TESMIN: variants seen among roughly 807,000 people sequenced by gnomAD.
The protein encoded by TESMIN is CXC domain containing 2.
In TESMIN, 34 loss-of-function variants were observed where a neutral mutation model predicts 47.4. The ratio of observed to expected loss-of-function variants is 0.72; its 90% CI spans 0.55 to 0.96. The LOEUF (loss-of-function observed/expected upper bound fraction) is 0.96. TESMIN is among the 40% of genes least tolerant of loss of function. The pLI is 0.00. For synonymous variants in TESMIN, 278 were observed against 258.9 expected (o/e 1.07, Z -0.71); for missense variants, 610 against 637.2 (o/e 0.96, Z 0.46).
intron 3 of TESMIN, among the ~76,000 whole-genome samples, chr11:68,746,717 G>A (rs915152528): frequency 6.6e-6 from 1 of 152,168 alleles, no homozygotes; most frequent in Non-Finnish European, 1.5e-5. Context: ...GGGATAAAAA[G>A]AATGCCTATC....
chr11:68,719,104 G>A (rs947858743), intron 6 of TESMIN, among the ~76,000 whole-genome samples: 10 of 152,184 alleles, frequency 6.6e-5, no homozygotes, highest in African/African-American at 2.2e-4. Context: ...GGTCCAAGAC[G>A]AGAGCTGCAC....
At chr11:68,747,936 T>TA (rs757184069) in intron 2 of TESMIN, among the ~76,000 whole-genome samples, 10 of 151,818 alleles carry the variant, frequency 6.6e-5, no homozygotes, top group Non-Finnish European at 1.0e-4. Flanking sequence ...TCCTCGTGGT[T>TA]AAAAAAAAAT....
chr11:68,708,758 C>T (rs1350477645), intron 9 of TESMIN, among the ~76,000 whole-genome samples: 100 of 145,934 alleles, frequency 6.9e-4, no homozygotes, highest in Non-Finnish European at 1.3e-3. Flanking sequence ...AAGTGAGACC[C>T]TTTTTTTTTT....
chr11:68,739,526 T>C (rs1218432407), intron 5 of TESMIN, among the ~76,000 whole-genome samples: 1 of 152,260 alleles, frequency 6.6e-6, no homozygotes, highest in Non-Finnish European at 1.5e-5. Context: ...AATGGAAATG[T>C]ATCTTTAAAT....
chr11:68,743,053 T>C (rs1946476888), intron 4 of TESMIN, among the ~76,000 whole-genome samples: 1 of 151,964 alleles, frequency 6.6e-6, no homozygotes, highest in African/African-American at 2.4e-5. Context: ...AATGTTTTCA[T>C]TTTTTGTAGA....
At chr11:68,706,187 C>T (rs1018001020), downstream of TESMIN, among the ~76,000 whole-genome samples, 4 of 152,202 alleles carry the variant, frequency 2.6e-5, no homozygotes, top group Admixed American at 2.6e-4. Context: ...TCTGTACTGT[C>T]TCTGGTCAGC....
chr11:68,739,891 G>C (rs139525555), intron 5 of TESMIN, among the ~76,000 whole-genome samples: 67 of 152,330 alleles, frequency 4.4e-4, no homozygotes, highest in African/African-American at 1.5e-3. Context: ...TTTGGAGAAA[G>C]GATGTCATAG....
At chr11:68,705,694 G>A (rs1945990850), downstream of TESMIN, among the ~76,000 whole-genome samples, 1 of 152,112 alleles carries the variant, frequency 6.6e-6, no homozygotes, top group African/African-American at 2.4e-5. Flanking sequence ...TAATCACAAA[G>A]GTGGTCCGAG....
At chr11:68,740,174 G>A (rs1167240081) in intron 5 of TESMIN, among the ~76,000 whole-genome samples, 1 of 151,992 alleles carries the variant, frequency 6.6e-6, no homozygotes, top group Admixed American at 6.6e-5. Context: ...TGATTCAGGG[G>A]GTCTGAATCC....
chr11:68,745,840 C>T (rs1326176575), intron 3 of TESMIN, among the ~76,000 whole-genome samples: 2 of 152,256 alleles, frequency 1.3e-5, no homozygotes, highest in Non-Finnish European at 2.9e-5. Flanking sequence ...AGCAAAAGCA[C>T]TGAGGGAACT....
intron 5 of TESMIN, among the ~76,000 whole-genome samples, chr11:68,741,194 G>A (rs1946451355): frequency 1.3e-5 from 2 of 151,970 alleles, no homozygotes; most frequent in Non-Finnish European, 2.9e-5. Context: ...CCTCTTTAGA[G>A]TGGAAGCCAT....
intron 6 of TESMIN, among the ~76,000 whole-genome samples, chr11:68,721,358 C>A (rs1216967272): frequency 6.6e-6 from 1 of 152,112 alleles, no homozygotes; most frequent in Non-Finnish European, 1.5e-5. Flanking sequence ...CTACTTCCAC[C>A]CAATGAACTC....
intron 6 of TESMIN, among the ~76,000 whole-genome samples, chr11:68,734,748 C>T (rs1223255510): frequency 1.3e-5 from 2 of 152,226 alleles, no homozygotes; most frequent in Admixed American, 6.5e-5. Flanking sequence ...GTCAGCCTCG[C>T]GCCATCTCAT....
intron 2 of TESMIN, among the ~76,000 whole-genome samples, 163 bp downstream of exon 2, chr11:68,750,027 A>G (rs1946569763): frequency 6.6e-6 from 1 of 152,184 alleles, no homozygotes; most frequent in African/African-American, 2.4e-5. Context: ...GGAAGACGAC[A>G]AAGAGTATAC....
At chr11:68,745,515 C>T (rs1343630243) in intron 3 of TESMIN, among the ~76,000 whole-genome samples, 3 of 152,196 alleles carry the variant, frequency 2.0e-5, no homozygotes, top group Non-Finnish European at 4.4e-5. Flanking sequence ...CCAGCCCATT[C>T]AGCCCCAGTG....
At chr11:68,705,536 C>CAG (rs1469739307), downstream of TESMIN, among the ~76,000 whole-genome samples, 6 of 152,204 alleles carry the variant, frequency 3.9e-5, no homozygotes, top group African/African-American at 1.4e-4. Context: ...CTGTGCAGTG[C>CAG]GCAGCCTGTG....
chr11:68,725,705 T>C (rs1287169072), intron 6 of TESMIN, among the ~76,000 whole-genome samples: 1 of 152,070 alleles, frequency 6.6e-6, no homozygotes, highest in Non-Finnish European at 1.5e-5. Flanking sequence ...ACTCCTCGGT[T>C]CAAACAATCC....
rs1178612723 is a variant in TESMIN, at chr11:68,747,370, G to GA, written c.472-5dup. On this transcript the variant is annotated splice_region_variant and splice_polypyrimidine_tract_variant and intron_variant, in intron 2 of 9. Transcript: ENST00000255087. ...CACCTGCTTCCTTGATTTCAACCTA[G>GA]AAAAAAGCAATAATTATTTTAGAGA... is the stretch of plus-strand genomic sequence containing the variant. 4 of 1,608,738 alleles carry GA rather than the reference G, an allele frequency of 2.5e-6. No individual in the cohort carries two copies. The highest frequency in any genetic ancestry group is 1.7e-5 in the Admixed American group (1 of 59,764).
chr11:68,714,551 C>T (rs1366884880), intron 7 of TESMIN, among the ~76,000 whole-genome samples: 1 of 152,240 alleles, frequency 6.6e-6, no homozygotes, highest in Admixed American at 6.5e-5. Flanking sequence ...ACAGCTTGTA[C>T]TCCCGTGTCG....
Sources: allele counts gnomAD v4.1 joint callset (sites outside exome capture counted in the v4.1 genomes callset), GRCh38; gene constraint gnomAD v4.1.1; transcripts MANE v1.5; gene names NCBI Gene and HGNC (gene_info 2026-07-23, HGNC 2026-07-21).